RIPK1: variants seen among roughly 807,000 people sequenced by gnomAD.
The protein encoded by RIPK1 is receptor interacting serine/threonine kinase 1, also known as receptor-interacting serine/threonine-protein kinase 1.
Under a neutral mutation model 62.4 loss-of-function variants are expected in RIPK1, and 27 were observed. The ratio of observed to expected loss-of-function variants is 0.43; its 90% CI spans 0.32 to 0.60. The LOEUF (loss-of-function observed/expected upper bound fraction) is 0.60. RIPK1 is among the 20% of genes least tolerant of loss of function. RIPK1 has a pLI of 0.07. For synonymous variants in RIPK1, 287 were observed against 303.2 expected (o/e 0.95, Z 0.55); for missense variants, 735 against 831.0 (o/e 0.88, Z 1.42).
intron 10 of RIPK1, among the ~76,000 whole-genome samples, chr6:3,111,958 G>A (rs1012022820): frequency 5.9e-5 from 9 of 152,328 alleles, no homozygotes; most frequent in African/African-American, 2.2e-4. Context: ...AAGGAAGAAT[G>A]AAATGTTTTC....
chr6:3,102,812 C>T (rs912533168), intron 7 of RIPK1, among the ~76,000 whole-genome samples: 2 of 152,088 alleles, frequency 1.3e-5, no homozygotes, highest in Non-Finnish European at 2.9e-5. Context: ...ACCATGTTGT[C>T]CAGGCTGGTC....
upstream of RIPK1, chr6:3,068,201 C>T (rs1302160567): frequency 1.0e-6 from 1 of 985,232 alleles, no homozygotes; most frequent in African/African-American, 1.7e-5. Flanking sequence ...TAGAGGAATG[C>T]TAACTTGCCT....
chr6:3,083,685 G>C (rs988884319), intron 5 of RIPK1, among the ~76,000 whole-genome samples: 1 of 152,164 alleles, frequency 6.6e-6, no homozygotes, highest in Non-Finnish European at 1.5e-5. Flanking sequence ...GTCGTGGCTT[G>C]TGTAGGATAG....
At chr6:3,085,612 T>C (rs184904025) in intron 6 of RIPK1, among the ~76,000 whole-genome samples, 15 of 152,376 alleles carry the variant, frequency 9.8e-5, no homozygotes, top group African/African-American at 3.6e-4. Flanking sequence ...TAAGGCCTTC[T>C]TGTTTCCTTT....
chr6:3,087,441 GT>G (rs1187990874), intron 6 of RIPK1, among the ~76,000 whole-genome samples: 3 of 148,430 alleles, frequency 2.0e-5, no homozygotes, highest in African/African-American at 7.5e-5. Flanking sequence ...GTTTTTGTTT[GT>G]TTTTTTCAGT....
At chr6:3,080,805 C>A (rs971397596) in intron 3 of RIPK1, among the ~76,000 whole-genome samples, 174 bp from the exon 4 acceptor site, 4 of 151,576 alleles carry the variant, frequency 2.6e-5, no homozygotes, top group Non-Finnish European at 5.9e-5. Context: ...CTCTGCCCCC[C>A]CCCGAATGAA....
intron 9 of RIPK1, among the ~76,000 whole-genome samples, chr6:3,110,271 A>G (rs1761090381): frequency 6.9e-6 from 1 of 145,462 alleles, no homozygotes; most frequent in South Asian, 2.1e-4. Context: ...CAGTGGCACG[A>G]TCTTGGCTCA....
Position 3,081,084 on chromosome 6 carries a change from AATATCC to A in RIPK1, c.428_433del (p.Asn143_Leu145delinsIle), listed in dbSNP as rs1180908510. 1 of 1,614,164 alleles carries A rather than the reference AATATCC, an allele frequency of 6.2e-7. No individual in the cohort carries two copies. The highest frequency in any genetic ancestry group is 1.1e-5 in the South Asian group (1 of 91,080). On this transcript the variant is annotated inframe_deletion, in exon 4 of 11. Coordinates refer to ENST00000259808, the MANE Select transcript of RIPK1 (RefSeq NM_001354930.2). ...GATACACAAGGACCTGAAGCCTGAA[AATATCC>A]TTGTTGATAATGACTTCCACATTAA...
At chr6:3,103,942 T>C (rs1760704115) in intron 7 of RIPK1, among the ~76,000 whole-genome samples, 1 of 152,254 alleles carries the variant, frequency 6.6e-6, no homozygotes, top group Non-Finnish European at 1.5e-5. Flanking sequence ...CTTTCCATTC[T>C]GCCCCACTGG....
rs527803556 is a variant in RIPK1 at position 3,072,591 on chromosome 6, C to T, written c.-61+3930C>T. ...ATTCAATTGATGATGGGCCGGCATA[C>T]GTTGGGTTCTGCTAGGCTCTGGAGA... is the stretch of plus-strand genomic sequence containing the variant. On this transcript the variant is annotated intron_variant, in intron 1 of 10. Coordinates refer to ENST00000259808, the MANE Select transcript of RIPK1 (RefSeq NM_001354930.2). This position sits in a 1 kb window ranked among gnomAD's most constrained non-coding sequence, Gnocchi z 5.6. Among the ~76,000 whole-genome samples, 13 of 152,174 alleles carry T rather than the reference C, an allele frequency of 8.5e-5. No individual in the cohort carries two copies. The highest frequency in any genetic ancestry group is 4.2e-4 in the South Asian group (2 of 4,816).
chr6:3,072,540 T>C lies in RIPK1; in HGVS notation c.-61+3879T>C, dbSNP rs1003607277. On this transcript the variant is annotated intron_variant, in intron 1 of 10. Transcript: ENST00000259808. The surrounding 1 kb of genome is among the most constrained non-coding windows in gnomAD (Gnocchi z 5.6). ...TTTTATTTTTATTTTTTTGGACAAT[T>C]AAATAGTTCTCTTTTTAAAATAGTT... 2.6e-5 allele frequency among the ~76,000 whole-genome samples: 4 copies of C among 152,218 alleles called. No individual in the cohort carries two copies. Among genetic ancestry groups the C allele is most frequent in the Admixed American group, 6.5e-5 (1 of 15,284 alleles).
At chr6:3,073,222 TACAC>T (rs34064335) in intron 1 of RIPK1, among the ~76,000 whole-genome samples, 33,232 of 149,348 alleles carry the variant, frequency 0.22, 4,272 homozygotes, top group East Asian at 0.38. Context: ...TGTGTATATA[TACAC>T]ACATATACAT....
intron 9 of RIPK1, among the ~76,000 whole-genome samples, chr6:3,108,310 A>G (rs960972918): frequency 2.8e-4 from 43 of 151,982 alleles, no homozygotes; most frequent in African/African-American, 9.4e-4. Context: ...CATTCTCCTC[A>G]ATTATAAATG....
At chr6:3,109,399 G>GA (rs1382704354) in intron 9 of RIPK1, among the ~76,000 whole-genome samples, 2 of 152,080 alleles carry the variant, frequency 1.3e-5, no homozygotes, top group Non-Finnish European at 2.9e-5. Flanking sequence ...TGGAGTCTCT[G>GA]GAGTGGAGAC....
In RIPK1 at chr6:3,105,132, G is replaced by A. The variant is rs563758075; in HGVS notation, c.1007-350G>A. ...CTCCCAACGTGCTAGGATTACAGGC[G>A]TGAGCCACCGCACCCAGCCACAGAT... is the stretch of plus-strand genomic sequence containing the variant. On this transcript the variant is annotated intron_variant, in intron 8 of 10. Coordinates refer to ENST00000259808, the MANE Select transcript of RIPK1 (RefSeq NM_001354930.2). This position sits in a 1 kb window ranked among gnomAD's most constrained non-coding sequence, Gnocchi z 4.5. Among the ~76,000 whole-genome samples, 7 of 152,262 alleles carry A rather than the reference G, an allele frequency of 4.6e-5. No homozygotes were observed. The highest frequency in any genetic ancestry group is 2.0e-4 in the Admixed American group (3 of 15,286).
In RIPK1 at chr6:3,068,533, C is replaced by G. The variant is rs1758499560; in HGVS notation, c.-189C>G. ...AGCCGGGCGCGCTCGACGCGGACGG[C>G]GGGCCAGCTGCCGGAGCGCGGCGAC... is the stretch of plus-strand genomic sequence containing the variant. On this transcript the variant is annotated 5_prime_UTR_variant, in exon 1 of 11. Transcript: ENST00000259808. 1.0e-6 allele frequency: 1 copy of G among 985,272 alleles called. No homozygotes were observed. Among genetic ancestry groups the G allele is most frequent in the Non-Finnish European group, 1.2e-6 (1 of 829,860 alleles). 61.0% of individuals were successfully genotyped at this position (985,272 alleles called of 1,614,324 possible). A position where few individuals can be genotyped will look rare whatever the true frequency, so the allele number is the denominator to read the frequency against.
chr6:3,094,942 GT>G (rs908135527), intron 7 of RIPK1, among the ~76,000 whole-genome samples: 12 of 152,082 alleles, frequency 7.9e-5, no homozygotes, highest in Admixed American at 5.2e-4. Context: ...GCATGTGCCA[GT>G]AGTCCCATGA....
At chr6:3,094,081 GCCTACCTCCTGCACCTAGTAA>G (rs1760138505) in intron 7 of RIPK1, among the ~76,000 whole-genome samples, 1 of 114,812 alleles carries the variant, frequency 8.7e-6, no homozygotes. Context: ...ACTGCAGCGC[GCCTACCTCCTGCACCTAGTAA>G]CTGCAGAGTA....
In RIPK1 at chr6:3,072,891, A is replaced by G. The variant is rs75487226; in HGVS notation, c.-60-3873A>G. On this transcript the variant is annotated intron_variant, in intron 1 of 10. Coordinates refer to ENST00000259808, the MANE Select transcript of RIPK1 (RefSeq NM_001354930.2). The surrounding 1 kb of genome is among the most constrained non-coding windows in gnomAD (Gnocchi z 5.6). ...AAAAAGGAGGCCTAAAATCAATGTT[A>G]TCTTTTATGCCCTCTGTCTCCACCC... Among the ~76,000 whole-genome samples, 4,049 of 146,718 alleles carry G rather than the reference A, an allele frequency of 0.028. 190 individuals are homozygous for G. Among genetic ancestry groups the G allele is most frequent in the African/African-American group, 0.1 (3,779 of 36,124 alleles).
Sources: allele counts gnomAD v4.1 joint callset (sites outside exome capture counted in the v4.1 genomes callset), GRCh38; gene constraint gnomAD v4.1.1; non-coding constraint Gnocchi (gnomAD v3.1); transcripts MANE v1.5; gene names NCBI Gene and HGNC (gene_info 2026-07-23, HGNC 2026-07-21).